VPS8: variants seen among roughly 807,000 people sequenced by gnomAD.
VPS8 encodes the protein vacuolar protein sorting-associated protein 8 homolog.
Under a neutral mutation model 216.4 loss-of-function variants are expected in VPS8, and 129 were observed. The ratio of observed to expected loss-of-function variants is 0.60; its 90% CI spans 0.52 to 0.69. The LOEUF (loss-of-function observed/expected upper bound fraction) is 0.69, where lower values mean the gene tolerates loss of function less well. Ranked by LOEUF, VPS8 falls within the 30% of genes least tolerant of loss-of-function variation. The probability of loss-of-function intolerance (pLI) is 0.00; values close to 1 mark genes in which losing one functional copy is unlikely to be tolerated. For synonymous variants in VPS8, 571 were observed against 565.4 expected, an observed-to-expected ratio of 1.01 and a Z score of -0.14; for missense variants, 1,531 against 1,683.5, an observed-to-expected ratio of 0.91 and a Z score of 1.59.
At chr3:184,861,049 C>T (rs1194464388) in intron 15 of VPS8, among the ~76,000 whole-genome samples, 1 of 152,146 alleles carries the variant, frequency 6.6e-6, no homozygotes, top group Non-Finnish European at 1.5e-5. Context: ...GTCTCAATCT[C>T]CTGACCTCGT....
chr3:184,942,413 A>G (rs1458715837), intron 36 of VPS8, among the ~76,000 whole-genome samples: 1 of 152,170 alleles, frequency 6.6e-6, no homozygotes, highest in Non-Finnish European at 1.5e-5. Context: ...ATTCAGGCGC[A>G]AGGTCCTTTC....
intron 35 of VPS8, 64 bp from the exon 36 acceptor site, chr3:184,940,132 AC>A: frequency 1.0e-6 from 1 of 955,210 alleles, no homozygotes; most frequent in Non-Finnish European, 1.5e-6. Context: ...GTAGTTCTTT[AC>A]CATGGAATAT....
At chr3:184,977,728 CTTTTTT>C (rs55724735) in intron 40 of VPS8, among the ~76,000 whole-genome samples, 1 of 126,016 alleles carries the variant, frequency 7.9e-6, no homozygotes, top group Non-Finnish European at 1.7e-5. Flanking sequence ...CATTGCTTAT[CTTTTTT>C]TTTTTTTTTT....
At chr3:185,051,740 C>A in intron 47 of VPS8, 136 bp from the exon 48 acceptor site, 1 of 1,084,818 alleles carries the variant, frequency 9.2e-7, no homozygotes, top group Non-Finnish European at 1.3e-6. Flanking sequence ...GATATATGGA[C>A]CTAAGATTCA....
intron 6 of VPS8, chr3:184,839,058 A>G (rs1721634963): frequency 3.6e-6 from 1 of 277,302 alleles, no homozygotes; most frequent in Admixed American, 5.3e-5. Context: ...CCCCTTCCAC[A>G]AGGAATGGAA....
At chr3:184,924,514 C>G (rs1739212898) in intron 29 of VPS8, among the ~76,000 whole-genome samples, 1 of 148,208 alleles carries the variant, frequency 6.7e-6, no homozygotes, top group African/African-American at 2.6e-5. Context: ...GAGACTCCAT[C>G]TCAAAAAAAA....
chr3:184,833,505 G>C (rs950801622), intron 4 of VPS8, among the ~76,000 whole-genome samples: 1 of 152,148 alleles, frequency 6.6e-6, no homozygotes, highest in African/African-American at 2.4e-5. Flanking sequence ...GTTCAACAAT[G>C]TGTCCTTCAA....
chr3:184,820,046 G>A (rs2108484406), intron 1 of VPS8, among the ~76,000 whole-genome samples: 1 of 152,276 alleles, frequency 6.6e-6, no homozygotes, highest in East Asian at 1.9e-4. Flanking sequence ...GGAAGAGGCG[G>A]AAGAAAACCC....
chr3:184,948,959 C>A (rs751367142), intron 36 of VPS8, among the ~76,000 whole-genome samples: 2 of 152,052 alleles, frequency 1.3e-5, no homozygotes, highest in Non-Finnish European at 2.9e-5. Context: ...CGTAGGAGAA[C>A]AATATATACT....
chr3:184,814,196 T>C (rs1715806642), intron 1 of VPS8, among the ~76,000 whole-genome samples: 1 of 152,218 alleles, frequency 6.6e-6, no homozygotes, highest in Non-Finnish European at 1.5e-5. Context: ...CTAAAAGGGA[T>C]TTATTGGCTC....
chr3:184,846,074 C>T (rs1212352440), intron 8 of VPS8, among the ~76,000 whole-genome samples: 2 of 152,236 alleles, frequency 1.3e-5, no homozygotes, highest in East Asian at 3.9e-4. Context: ...ATTTAAGAAA[C>T]ATTCCTAAAA....
chr3:184,984,897 A>T (rs1015368210), intron 42 of VPS8, among the ~76,000 whole-genome samples: 4 of 151,910 alleles, frequency 2.6e-5, no homozygotes, highest in East Asian at 1.9e-4. Flanking sequence ...CAAAAACATG[A>T]TTTTTAAAAT....
At chr3:184,955,260 A>G (rs1426218960) in intron 36 of VPS8, among the ~76,000 whole-genome samples, 1 of 152,164 alleles carries the variant, frequency 6.6e-6, no homozygotes, top group African/African-American at 2.4e-5. Flanking sequence ...GTCCACTTTC[A>G]TGTTCCTCCC....
intron 7 of VPS8, chr3:184,840,068 G>C (rs1721835050): frequency 3.4e-6 from 1 of 298,024 alleles, no homozygotes; most frequent in East Asian, 1.2e-4. Flanking sequence ...GGTTGTTGGT[G>C]GTGGGGATTT....
At chr3:185,009,503 G>T (rs1271537159) in intron 45 of VPS8, among the ~76,000 whole-genome samples, 1 of 152,138 alleles carries the variant, frequency 6.6e-6, no homozygotes, top group Non-Finnish European at 1.5e-5. Flanking sequence ...ACAAGCCCTT[G>T]TCTAAGTCAC....
At chr3:184,838,031 G>A (rs1454771228) in intron 5 of VPS8, among the ~76,000 whole-genome samples, 1 of 152,196 alleles carries the variant, frequency 6.6e-6, no homozygotes, top group Non-Finnish European at 1.5e-5. Context: ...TGTGAGCATA[G>A]AATTGATACT....
At chr3:184,889,208 T>G (rs1731872481) in intron 22 of VPS8, among the ~76,000 whole-genome samples, 1 of 152,126 alleles carries the variant, frequency 6.6e-6, no homozygotes, top group South Asian at 2.1e-4. Context: ...TAGGATCCAT[T>G]TATTATTTCT....
rs765510619 is a variant in VPS8 at position 185,031,063 on chromosome 3, G to GTTTTTTTTTTTTTT, written c.4056+6689_4056+6702dup. ...AATTTTTGTTGAATTACAGGTTGGC[G>GTTTTTTTTTTTTTT]TTTTTTTTTTTTTTTTTTTTTTTTT... On this transcript the variant is annotated intron_variant, in intron 46 of 47. Coordinates refer to ENST00000625842, the MANE Select transcript of VPS8 (RefSeq NM_001009921.3). Among the ~76,000 whole-genome samples, 7 of 64,346 alleles carry GTTTTTTTTTTTTTT rather than the reference G, an allele frequency of 1.1e-4. 1 individual carries two copies. Among genetic ancestry groups the GTTTTTTTTTTTTTT allele is most frequent in the African/African-American group, 4.8e-4 (7 of 14,490 alleles). 42.2% of individuals were successfully genotyped at this position (64,346 alleles called of 152,430 possible).
intron 44 of VPS8, among the ~76,000 whole-genome samples, 178 bp from the exon 45 acceptor site, chr3:184,999,518 G>C (rs1577107927): frequency 6.6e-6 from 1 of 152,180 alleles, no homozygotes; most frequent in African/African-American, 2.4e-5. Flanking sequence ...TATGAATGTG[G>C]ATTTTTAAAA....
Sources: allele counts gnomAD v4.1 joint callset (sites outside exome capture counted in the v4.1 genomes callset), GRCh38; gene constraint gnomAD v4.1.1; transcripts MANE v1.5; gene names NCBI Gene and HGNC (gene_info 2026-07-23, HGNC 2026-07-21).